The following HMGCLL1 variants were observed in gnomAD, a reference collection of about 807,000 sequenced individuals.
HMGCLL1 encodes 3-hydroxymethyl-3-methylglutaryl-CoA lyase, cytoplasmic.
Under a neutral mutation model 39.1 loss-of-function variants are expected in HMGCLL1, and 36 were observed. The ratio of observed to expected loss-of-function variants is 0.92; its 90% CI spans 0.71 to 1.22. The LOEUF (loss-of-function observed/expected upper bound fraction) is 1.22. Among genes scored for constraint, HMGCLL1 ranks in the 50% most tolerant of loss-of-function variants. The pLI is 0.00. For missense variants in HMGCLL1, 451 were observed against 416.5 expected, an observed-to-expected ratio of 1.08 and a Z score of -0.72; for synonymous variants, 149 against 144.0, an observed-to-expected ratio of 1.03 and a Z score of -0.25.
intron 1 of HMGCLL1, among the ~76,000 whole-genome samples, chr6:55,564,199 T>A (rs1682606716): frequency 6.6e-6 from 1 of 150,884 alleles, no homozygotes; most frequent in Non-Finnish European, 1.5e-5. Context: ...TTGTCATTAT[T>A]TTTTTCATAC....
At chr6:55,578,626 T>C (rs1581972275) in intron 1 of HMGCLL1, among the ~76,000 whole-genome samples, 1 of 152,346 alleles carries the variant, frequency 6.6e-6, no homozygotes, top group Middle Eastern at 3.4e-3. Flanking sequence ...AAGGAATACC[T>C]ATGAATACAA....
intron 5 of HMGCLL1, among the ~76,000 whole-genome samples, chr6:55,510,519 T>A (rs1767399120): frequency 6.6e-6 from 1 of 151,188 alleles, no homozygotes; most frequent in South Asian, 2.1e-4. Flanking sequence ...GAAATCATCA[T>A]TCTCGGTAAA....
At chr6:55,657,674 T>C in the HMGCLL1 span, among the ~76,000 whole-genome samples, 1 of 151,968 alleles carries the variant, frequency 6.6e-6, no homozygotes. Flanking sequence ...CCATCAGTGA[T>C]AGATTGGATA....
Position 55,495,404 on chromosome 6 carries a change from A to G in HMGCLL1, c.795+15T>C, listed in dbSNP as rs756316109. 1 of 1,604,422 alleles carries G rather than the reference A, an allele frequency of 6.2e-7. No homozygotes were observed. Among genetic ancestry groups the G allele is most frequent in the Admixed American group, 1.7e-5 (1 of 59,190 alleles). ...ACCCTATGCACACACATAACACACA[A>G]AGAGTACAAAATACCTGAAGGGCCG... On this transcript the variant is annotated intron_variant, in intron 7 of 8. Transcript: ENST00000274901.
At chr6:55,573,165 G>A (rs1433045099) in intron 1 of HMGCLL1, among the ~76,000 whole-genome samples, 2 of 152,174 alleles carry the variant, frequency 1.3e-5, no homozygotes, top group Non-Finnish European at 2.9e-5. Context: ...GCCCTTACAA[G>A]TAAAGTAGGC....
At chr6:55,527,364 A>G (rs990224469) in intron 3 of HMGCLL1, among the ~76,000 whole-genome samples, 1 of 152,060 alleles carries the variant, frequency 6.6e-6, no homozygotes, top group African/African-American at 2.4e-5. Flanking sequence ...CCAGGAATCT[A>G]TAATTAACAA....
the HMGCLL1 span, among the ~76,000 whole-genome samples, chr6:55,676,392 T>G: frequency 2.0e-5 from 3 of 152,146 alleles, no homozygotes; most frequent in African/African-American, 4.8e-5. Context: ...AGGTCAATAT[T>G]CAGACCAACG....
At chr6:55,522,484 T>C (rs1489823783) in intron 3 of HMGCLL1, among the ~76,000 whole-genome samples, 1 of 151,900 alleles carries the variant, frequency 6.6e-6, no homozygotes, top group Admixed American at 6.6e-5. Flanking sequence ...TAAAGTGAAA[T>C]AAATATTTAC....
At chr6:55,464,285 A>G (rs1186799315) in intron 7 of HMGCLL1, among the ~76,000 whole-genome samples, 1 of 152,194 alleles carries the variant, frequency 6.6e-6, no homozygotes, top group Non-Finnish European at 1.5e-5. Flanking sequence ...TTAGACTCCT[A>G]GTTGCAAGTA....
At chr6:55,494,460 A>G (rs1249514145) in intron 7 of HMGCLL1, among the ~76,000 whole-genome samples, 1 of 152,154 alleles carries the variant, frequency 6.6e-6, no homozygotes, top group Admixed American at 6.5e-5. Context: ...TGCCCCAAAG[A>G]CCATGGAATA....
At chr6:55,591,603 C>T in the HMGCLL1 span, among the ~76,000 whole-genome samples, 1 of 150,354 alleles carries the variant, frequency 6.7e-6, no homozygotes, top group Non-Finnish European at 1.5e-5. Context: ...CTGGCATACT[C>T]GTTAATACAT....
the HMGCLL1 span, among the ~76,000 whole-genome samples, chr6:55,638,913 A>G: frequency 6.6e-6 from 1 of 152,174 alleles, no homozygotes; most frequent in African/African-American, 2.4e-5. Flanking sequence ...GGTTCTAAAT[A>G]TTGCTAAGAA....
chr6:55,462,984 T>A (rs1261980396), intron 7 of HMGCLL1, among the ~76,000 whole-genome samples: 3 of 151,914 alleles, frequency 2.0e-5, no homozygotes, highest in Admixed American at 2.0e-4. Flanking sequence ...ACAAAGGAGT[T>A]ATGCTGGGCT....
At chr6:55,616,536 T>C in the HMGCLL1 span, among the ~76,000 whole-genome samples, 3 of 152,130 alleles carry the variant, frequency 2.0e-5, no homozygotes, top group Non-Finnish European at 2.9e-5. Context: ...TGTTTTAAGC[T>C]AGTCATTTTG....
At chr6:55,668,907 G>C in the HMGCLL1 span, among the ~76,000 whole-genome samples, 5 of 151,722 alleles carry the variant, frequency 3.3e-5, no homozygotes. Flanking sequence ...CAACTCCAGG[G>C]AGGGAAACCT....
the HMGCLL1 span, among the ~76,000 whole-genome samples, chr6:55,655,437 A>G: frequency 2.0e-5 from 3 of 151,308 alleles, no homozygotes; most frequent in African/African-American, 7.3e-5. Flanking sequence ...TTATATTTCT[A>G]CTGGATTCTT....
At chr6:55,594,962 C>G in the HMGCLL1 span, among the ~76,000 whole-genome samples, 4 of 152,122 alleles carry the variant, frequency 2.6e-5, no homozygotes, top group Non-Finnish European at 5.9e-5. Flanking sequence ...ATATATTGTG[C>G]AGTATAAATC....
chr6:55,624,897 T>C, the HMGCLL1 span, among the ~76,000 whole-genome samples: 1 of 152,148 alleles, frequency 6.6e-6, no homozygotes, highest in Non-Finnish European at 1.5e-5. Flanking sequence ...CCAGCCCATT[T>C]ATTGAGTGAC....
the HMGCLL1 span, among the ~76,000 whole-genome samples, chr6:55,626,982 G>C: frequency 5.1e-5 from 7 of 138,450 alleles, no homozygotes; most frequent in African/African-American, 1.6e-4. Flanking sequence ...AACTACAACA[G>C]CCCAATCCAG....
Sources: allele counts gnomAD v4.1 joint callset (sites outside exome capture counted in the v4.1 genomes callset), GRCh38; gene constraint gnomAD v4.1.1; transcripts MANE v1.5; gene names NCBI Gene and HGNC (gene_info 2026-07-23, HGNC 2026-07-21).